The following TNFRSF19 variants were observed in gnomAD, a reference collection of about 807,000 sequenced individuals.
TNFRSF19 encodes tumor necrosis factor receptor superfamily member 19.
A neutral mutation model predicts 46.4 loss-of-function variants in TNFRSF19; 27 were observed. The observed-to-expected ratio is 0.58, with a 90% CI of 0.43 to 0.80. The LOEUF (loss-of-function observed/expected upper bound fraction) is 0.80. Ranked by LOEUF, TNFRSF19 falls within the 30% of genes least tolerant of loss-of-function variation. The pLI is 0.00. For missense variants in TNFRSF19, 511 were observed against 530.8 expected (o/e 0.96, Z 0.37); for synonymous variants, 204 against 205.0 (o/e 1.00, Z 0.04).
chr13:23,673,420 C>T lies in TNFRSF19; in HGVS notation c.*40C>T, dbSNP rs1454737387. 1.9e-6 allele frequency: 3 copies of T among 1,594,632 alleles called. No individual in the cohort carries two copies. Among genetic ancestry groups the T allele is most frequent in the Non-Finnish European group, 2.6e-6 (3 of 1,168,662 alleles). ...TCTGCAGTAGAAGCGTGTGCTGGAA[C>T]CCAAAGAGTACTCCTTTGTTAGGCT... is the stretch of plus-strand genomic sequence containing the variant. On this transcript the variant is annotated 3_prime_UTR_variant, in exon 10 of 10. Transcript: ENST00000248484.
Position 23,674,681 on chromosome 13 carries a change from C to CA in TNFRSF19, c.*1302dup, listed in dbSNP as rs1348131156. ...ATGCCCTGGAGAAGACCTACTTGAA[C>CA]AGGGCATATTTTTTAGACTTCTGAA... On this transcript the variant is annotated 3_prime_UTR_variant, in exon 10 of 10. Coordinates refer to ENST00000248484, the MANE Select transcript of TNFRSF19 (RefSeq NM_148957.4). 1.3e-5 allele frequency: 2 copies of CA among 152,228 alleles called. No individual in the cohort carries two copies. The highest frequency in any genetic ancestry group is 2.9e-5 in the Non-Finnish European group (2 of 68,030). The allele number at this position is 152,228 out of a possible 1,614,324, so 9.4% of individuals were successfully genotyped here. A position where few individuals can be genotyped will look rare whatever the true frequency, so the allele number is the denominator to read the frequency against.
rs375719826 is a variant in TNFRSF19, at chr13:23,616,028, C to T, written c.342C>T (p.Cys114=). ...GTTCAGCCACCAGTGATGCCATCTG[C>T]GGGGACTGCTTGCCAGGGTGAGTTG... ...ANCSATSDAI[C]GDCLPGFYRK... Residue 114 remains cysteine, a synonymous_variant, in exon 4 of 10, where the codon TGC becomes TGT. Coordinates refer to ENST00000248484, the MANE Select transcript of TNFRSF19 (RefSeq NM_148957.4). 44 of 1,599,190 alleles carry T rather than the reference C, an allele frequency of 2.8e-5. No homozygotes were observed. The highest frequency in any genetic ancestry group is 8.6e-5 in the Admixed American group (5 of 58,374).
intron 5 of TNFRSF19, among the ~76,000 whole-genome samples, chr13:23,657,611 A>C (rs1020904891): frequency 2.6e-5 from 4 of 152,232 alleles, no homozygotes; most frequent in African/African-American, 9.7e-5. Context: ...TTTTATATTG[A>C]ATACATATTG....
At chr13:23,627,344 A>G (rs1882077922) in intron 5 of TNFRSF19, among the ~76,000 whole-genome samples, 1 of 152,218 alleles carries the variant, frequency 6.6e-6, no homozygotes, top group Admixed American at 6.5e-5. Flanking sequence ...TGGGGATACA[A>G]CTGTATATGA....
At chr13:23,649,634 A>T (rs1883525560) in intron 5 of TNFRSF19, among the ~76,000 whole-genome samples, 1 of 151,896 alleles carries the variant, frequency 6.6e-6, no homozygotes, top group Non-Finnish European at 1.5e-5. Context: ...TTTAAAGTGG[A>T]AGGTAAAGTT....
chr13:23,574,028 C>T (rs1877796006), intron 1 of TNFRSF19, among the ~76,000 whole-genome samples: 1 of 145,094 alleles, frequency 6.9e-6, no homozygotes, highest in Admixed American at 7.0e-5. Context: ...CGCCACTGCA[C>T]TCCAGCCTGG....
intron 5 of TNFRSF19, among the ~76,000 whole-genome samples, chr13:23,645,079 A>G (rs911989933): frequency 2.0e-5 from 3 of 152,368 alleles, no homozygotes; most frequent in Non-Finnish European, 4.4e-5. Context: ...GAATCATTCA[A>G]TAATAAATTT....
rs1169649144 is a variant in TNFRSF19, at chr13:23,660,369, T to C, written c.615T>C (p.Ser205=). 2 of 1,613,614 alleles carry C rather than the reference T, an allele frequency of 1.2e-6. No homozygotes were observed. Among genetic ancestry groups the C allele is most frequent in the South Asian group, 2.2e-5 (2 of 90,986 alleles). Residue 205 remains serine, a synonymous_variant, in exon 7 of 10, where the codon TCT becomes TCC. Transcript: ENST00000248484. Reference sequence around the variant, plus strand: ...GAGTTCTCACCCCTCATTTAGGGTCTCTGCGGTCACAGGACATTCAGTACA... The same window carrying C: ...GAGTTCTCACCCCTCATTTAGGGTCCCTGCGGTCACAGGACATTCAGTACA... ...RQFMEKKPSW[S]LRSQDIQYNG...
chr13:23,623,159 T>A (rs1881783960), intron 4 of TNFRSF19, among the ~76,000 whole-genome samples: 2 of 152,210 alleles, frequency 1.3e-5, no homozygotes, highest in African/African-American at 4.8e-5. Context: ...TCTGTTTCTG[T>A]GAATTTGACT....
intron 9 of TNFRSF19, 129 bp from the exon 10 acceptor site, chr13:23,673,243 C>T: frequency 1.1e-6 from 1 of 944,878 alleles, no homozygotes; most frequent in Admixed American, 2.9e-5. Flanking sequence ...GTTTCTTGTC[C>T]ATATGCTATT....
chr13:23,606,203 C>T (rs1393482157), intron 3 of TNFRSF19, among the ~76,000 whole-genome samples: 2 of 152,090 alleles, frequency 1.3e-5, no homozygotes, highest in South Asian at 2.1e-4. Context: ...CATGGCTATC[C>T]AGAAGAAATA....
chr13:23,611,582 T>C (rs1880913490), intron 3 of TNFRSF19, among the ~76,000 whole-genome samples: 1 of 152,048 alleles, frequency 6.6e-6, no homozygotes, highest in African/African-American at 2.4e-5. Flanking sequence ...TAAGAACCTA[T>C]CTAGAGTTTG....
chr13:23,577,827 C>G (rs1878066860), intron 1 of TNFRSF19, among the ~76,000 whole-genome samples: 1 of 152,046 alleles, frequency 6.6e-6, no homozygotes, highest in Admixed American at 6.5e-5. Context: ...ATCTAAGGAG[C>G]GCAGAATCCA....
chr13:23,660,568 A>G (rs2138393640), intron 7 of TNFRSF19, 78 bp downstream of exon 7: 2 of 1,524,550 alleles, frequency 1.3e-6, no homozygotes, highest in Middle Eastern at 2.4e-4. Flanking sequence ...GTCCTGGTTT[A>G]TTCACCTCAC....
intron 4 of TNFRSF19, among the ~76,000 whole-genome samples, chr13:23,621,487 G>C (rs536495749): frequency 1.1e-4 from 16 of 152,308 alleles, no homozygotes; most frequent in Admixed American, 4.6e-4. Flanking sequence ...GTGACTCACA[G>C]GGCATAGTAA....
intron 5 of TNFRSF19, among the ~76,000 whole-genome samples, chr13:23,656,471 A>G (rs1883989243): frequency 6.6e-6 from 1 of 152,098 alleles, no homozygotes; most frequent in African/African-American, 2.4e-5. Context: ...AACTTAAAGG[A>G]CTCTAATTAT....
chr13:23,646,574 T>C (rs1883346031), intron 5 of TNFRSF19, among the ~76,000 whole-genome samples: 1 of 152,238 alleles, frequency 6.6e-6, no homozygotes, highest in Non-Finnish European at 1.5e-5. Context: ...TCATTTAGCA[T>C]AATGTTTTCA....
intron 1 of TNFRSF19, among the ~76,000 whole-genome samples, chr13:23,584,765 AAG>A (rs1878704513): frequency 6.6e-6 from 1 of 152,188 alleles, no homozygotes; most frequent in Non-Finnish European, 1.5e-5. Flanking sequence ...TAATTTGAAA[AAG>A]AGAAACCATT....
At chr13:23,620,464 A>G (rs1881582536) in intron 4 of TNFRSF19, among the ~76,000 whole-genome samples, 1 of 152,192 alleles carries the variant, frequency 6.6e-6, no homozygotes, top group Non-Finnish European at 1.5e-5. Flanking sequence ...AATTTGAGTC[A>G]TTCGAGAGAG....
Sources: allele counts gnomAD v4.1 joint callset (sites outside exome capture counted in the v4.1 genomes callset), GRCh38; gene constraint gnomAD v4.1.1; transcripts MANE v1.5; gene names NCBI Gene and HGNC (gene_info 2026-07-23, HGNC 2026-07-21).